The following TRIM5 variants were observed in gnomAD, a reference collection of about 807,000 sequenced individuals.
TRIM5 encodes the protein tripartite motif containing 5.
In TRIM5, 31 loss-of-function variants were observed where a neutral mutation model predicts 35.6. The observed-to-expected ratio is 0.87, with a 90% CI of 0.65 to 1.18. The LOEUF (loss-of-function observed/expected upper bound fraction) is 1.18. TRIM5 is among the 50% of genes most tolerant of loss of function. The probability of loss-of-function intolerance (pLI) is 0.00; values close to 1 mark genes in which losing one functional copy is unlikely to be tolerated. For synonymous variants in TRIM5, 243 were observed against 215.6 expected (o/e 1.13, Z -1.11); for missense variants, 609 against 591.6 (o/e 1.03, Z -0.31).
chr11:5,608,885 C>T, the TRIM5 span, among the ~76,000 whole-genome samples: 1 of 110,966 alleles, frequency 9.0e-6, no homozygotes, highest in Non-Finnish European at 1.7e-5. Context: ...GAGTTTCACT[C>T]TGTCGCCCAG....
At chr11:5,633,448 C>T in the TRIM5 span, among the ~76,000 whole-genome samples, 1 of 152,020 alleles carries the variant, frequency 6.6e-6, no homozygotes, top group Non-Finnish European at 1.5e-5. Context: ...GTGATAAATT[C>T]CTTCCCAAAG....
chr11:5,626,323 T>C, the TRIM5 span, among the ~76,000 whole-genome samples: 4 of 152,232 alleles, frequency 2.6e-5, no homozygotes, highest in Non-Finnish European at 4.4e-5. Context: ...CGATGAATGT[T>C]AGAGTACACA....
At chr11:5,642,751 A>G in the TRIM5 span, 1 of 1,602,626 alleles carries the variant, frequency 6.2e-7, no homozygotes, top group Non-Finnish European at 8.5e-7. Flanking sequence ...ACTCTAAAGA[A>G]TATATAGGTA....
Position 5,679,854 on chromosome 11 carries a change from C to A in TRIM5, c.324G>T (p.Glu108Asp), listed in dbSNP as rs1852291542. The A allele has an allele frequency of 6.2e-7, 1 of 1,613,756 alleles. No homozygotes were observed. Among genetic ancestry groups the A allele is most frequent in the South Asian group, 1.1e-5 (1 of 91,026 alleles). ...AAAGCCAGCAAATGACCTTCCCGTCCTCCTGACAGAAGAGTAGAAGTTTCT... is the reference window on the plus strand; with the variant it reads ...AAAGCCAGCAAATGACCTTCCCGTCATCCTGACAGAAGAGTAGAAGTTTCT... ...HGEKLLLFCQ[E>D]DGKVICWLCE... Residue 108 changes from glutamate (E) to aspartate (D), a missense_variant, in exon 2 of 8, where the codon GAG becomes GAT. Coordinates refer to ENST00000380034, the MANE Select transcript of TRIM5 (RefSeq NM_033034.3).
the TRIM5 span, among the ~76,000 whole-genome samples, chr11:5,614,264 TC>T: frequency 6.6e-6 from 1 of 152,336 alleles, no homozygotes; most frequent in Admixed American, 6.5e-5. Flanking sequence ...GTGGCACTGT[TC>T]CATGTGGGAT....
the TRIM5 span, chr11:5,589,279 G>T: frequency 6.6e-6 from 1 of 151,532 alleles, no homozygotes; most frequent in Non-Finnish European, 1.5e-5. Flanking sequence ...CTCATCTAGT[G>T]TCCTCTTCTG....
the TRIM5 span, among the ~76,000 whole-genome samples, chr11:5,601,859 A>G: frequency 2.0e-5 from 3 of 152,110 alleles, no homozygotes; most frequent in Non-Finnish European, 1.5e-5. Flanking sequence ...TATGTGGAGC[A>G]GGGCCGTTAA....
At chr11:5,599,631 C>T in the TRIM5 span, among the ~76,000 whole-genome samples, 2 of 152,094 alleles carry the variant, frequency 1.3e-5, no homozygotes, top group Non-Finnish European at 1.5e-5. Context: ...TCTCGATCTC[C>T]TGACCTTGTG....
At chr11:5,678,901 C>G (rs1852204563) in intron 3 of TRIM5, among the ~76,000 whole-genome samples, 173 bp downstream of exon 3, 1 of 152,208 alleles carries the variant, frequency 6.6e-6, no homozygotes, top group Non-Finnish European at 1.5e-5. Context: ...CTACTGTGTT[C>G]ACTGTGACAT....
At chr11:5,595,750 C>G in the TRIM5 span, among the ~76,000 whole-genome samples, 2 of 150,724 alleles carry the variant, frequency 1.3e-5, no homozygotes, top group Non-Finnish European at 3.0e-5. Flanking sequence ...GAGAGTCTCG[C>G]TCTGTCTCCA....
At chr11:5,605,771 C>T in the TRIM5 span, among the ~76,000 whole-genome samples, 1 of 152,126 alleles carries the variant, frequency 6.6e-6, no homozygotes, top group Non-Finnish European at 1.5e-5. Context: ...AGGGAAAGTC[C>T]CATTTTTATT....
At chr11:5,661,890 T>C (rs1229353857), downstream of TRIM5, among the ~76,000 whole-genome samples, 1 of 152,228 alleles carries the variant, frequency 6.6e-6, no homozygotes, top group African/African-American at 2.4e-5. Context: ...AATTCAGGTC[T>C]TTATTGTTGT....
At chr11:5,617,874 T>C in the TRIM5 span, among the ~76,000 whole-genome samples, 5 of 151,858 alleles carry the variant, frequency 3.3e-5, no homozygotes, top group Non-Finnish European at 7.4e-5. Context: ...GGAGGTACAG[T>C]GAGATGAAAG....
chr11:5,599,928 T>G, the TRIM5 span, among the ~76,000 whole-genome samples: 1 of 152,182 alleles, frequency 6.6e-6, no homozygotes, highest in Admixed American at 6.5e-5. Context: ...GCCTCTATTA[T>G]CAAAGGCAAT....
At chr11:5,632,961 G>A in the TRIM5 span, among the ~76,000 whole-genome samples, 8 of 148,592 alleles carry the variant, frequency 5.4e-5, no homozygotes, top group Non-Finnish European at 8.9e-5. Flanking sequence ...CAAGTAGCTC[G>A]GATTACAGGC....
At chr11:5,606,302 T>C in the TRIM5 span, among the ~76,000 whole-genome samples, 1 of 151,860 alleles carries the variant, frequency 6.6e-6, no homozygotes, top group African/African-American at 2.4e-5. Flanking sequence ...GGTCGCAGAT[T>C]ACAAGGTATC....
chr11:5,634,925 C>T, the TRIM5 span: 3 of 1,545,924 alleles, frequency 1.9e-6, no homozygotes, highest in Non-Finnish European at 2.6e-6. Flanking sequence ...CTTGCGTTCT[C>T]ATCCTGGTGG....
At chr11:5,610,528 A>C in the TRIM5 span, 1 of 1,614,120 alleles carries the variant, frequency 6.2e-7, no homozygotes, top group Non-Finnish European at 8.5e-7. Flanking sequence ...TCTTTTCATC[A>C]TTACAGAGCT....
intron 4 of TRIM5, among the ~76,000 whole-genome samples, chr11:5,671,183 A>G (rs1296969415): frequency 6.6e-6 from 1 of 152,108 alleles, no homozygotes. Context: ...TCAAGATCGC[A>G]CCACTACATA....
Sources: gnomAD v4.1 joint callset for allele counts (sites outside exome capture counted in the v4.1 genomes callset) on GRCh38, gnomAD v4.1.1 for gene constraint, MANE v1.5 for transcripts, NCBI Gene and HGNC (gene_info 2026-07-23, HGNC 2026-07-21) for gene names.